SCAPER: variants seen among roughly 807,000 people sequenced by gnomAD.
SCAPER encodes the protein S-phase cyclin A associated protein in the ER.
A neutral mutation model predicts 182.2 loss-of-function variants in SCAPER; 98 were observed. That is an observed-to-expected ratio of 0.54 (90% CI 0.46 to 0.64). The LOEUF is 0.64. Among genes scored for constraint, SCAPER ranks in the 30% least tolerant of loss-of-function variants. The pLI is 0.00. For missense variants in SCAPER, 1,432 were observed against 1,690.0 expected (o/e 0.85, Z 2.68); for synonymous variants, 605 against 564.6 (o/e 1.07, Z -1.01).
At chr15:76,839,521 A>G (rs1301125915) in intron 5 of SCAPER, among the ~76,000 whole-genome samples, 2 of 152,178 alleles carry the variant, frequency 1.3e-5, no homozygotes, top group Non-Finnish European at 2.9e-5. Flanking sequence ...TTCTTACATC[A>G]CCACCTGTAA....
Position 76,459,543 on chromosome 15 carries a change from G to T in SCAPER, c.3078+11669C>A, listed in dbSNP as rs1251067327. On this transcript the variant is annotated intron_variant, in intron 25 of 31. Transcript: ENST00000563290. ...CTCACTTTTTAATGGAATTATTAGG[G>T]TTTTTTTTTTTTGCTGTTGTATACT... Among the ~76,000 whole-genome samples the T allele has an allele frequency of 8.3e-4, 119 of 144,014 alleles. 1 individual carries two copies. Among genetic ancestry groups the T allele is most frequent in the Admixed American group, 2.5e-3 (36 of 14,608 alleles). The allele number at this position is 144,014 out of a possible 152,430, so 94.5% of individuals were successfully genotyped here.
At chr15:76,548,545 T>G (rs1352128606) in intron 23 of SCAPER, among the ~76,000 whole-genome samples, 1 of 152,204 alleles carries the variant, frequency 6.6e-6, no homozygotes, top group African/African-American at 2.4e-5. Context: ...CAAAGTTATC[T>G]TGGGGTAAAC....
chr15:76,644,487 A>AG (rs1409845993), intron 21 of SCAPER, among the ~76,000 whole-genome samples: 1 of 152,106 alleles, frequency 6.6e-6, no homozygotes, highest in African/African-American at 2.4e-5. Context: ...AGGATATTTG[A>AG]GGTCCTCAAT....
chr15:76,691,600 T>C (rs1453822220), intron 20 of SCAPER, among the ~76,000 whole-genome samples: 4 of 152,132 alleles, frequency 2.6e-5, no homozygotes, highest in African/African-American at 7.2e-5. Flanking sequence ...CAATAAATTC[T>C]TGGAATATAA....
intron 22 of SCAPER, among the ~76,000 whole-genome samples, chr15:76,605,210 T>G (rs2050277705): frequency 6.6e-6 from 1 of 152,196 alleles, no homozygotes; most frequent in Non-Finnish European, 1.5e-5. Context: ...AATACCTAAC[T>G]TATTGAAAGT....
chr15:76,710,569 A>T (rs2059507458), intron 17 of SCAPER, among the ~76,000 whole-genome samples: 1 of 152,186 alleles, frequency 6.6e-6, no homozygotes, highest in South Asian at 2.1e-4. Context: ...AATAAATTTT[A>T]AAAAGAACTG....
At chr15:76,786,656 A>C (rs566078594) in intron 8 of SCAPER, among the ~76,000 whole-genome samples, 32 of 151,632 alleles carry the variant, frequency 2.1e-4, no homozygotes. Flanking sequence ...ACAGTGCCAC[A>C]AAAAACAAAA....
chr15:76,725,265 A>G (rs1343731272), intron 17 of SCAPER, among the ~76,000 whole-genome samples: 1 of 152,158 alleles, frequency 6.6e-6, no homozygotes, highest in Non-Finnish European at 1.5e-5. Context: ...ACTACAAAAC[A>G]TTGTTGAAAG....
chr15:76,661,949 A>G (rs1325454143), intron 21 of SCAPER, among the ~76,000 whole-genome samples: 1 of 152,220 alleles, frequency 6.6e-6, no homozygotes, highest in Non-Finnish European at 1.5e-5. Context: ...CATCAATGAT[A>G]GACTGAATAA....
chr15:76,827,700 G>A (rs1382304712), intron 5 of SCAPER, among the ~76,000 whole-genome samples: 2 of 152,040 alleles, frequency 1.3e-5, no homozygotes, highest in African/African-American at 2.4e-5. Context: ...GAATGGATAG[G>A]AACTTTGTAG....
At chr15:76,586,206 C>G (rs2048642850) in intron 22 of SCAPER, among the ~76,000 whole-genome samples, 1 of 151,962 alleles carries the variant, frequency 6.6e-6, no homozygotes, top group Non-Finnish European at 1.5e-5. Flanking sequence ...CCACTAGGAT[C>G]ATTTAGAAGA....
chr15:76,819,872 C>T (rs987986378), intron 5 of SCAPER, among the ~76,000 whole-genome samples: 3 of 152,120 alleles, frequency 2.0e-5, no homozygotes, highest in African/African-American at 7.2e-5. Context: ...CCAGAATCTA[C>T]AATGAACCCA....
chr15:76,377,239 C>T (rs2078437), intron 28 of SCAPER, among the ~76,000 whole-genome samples: 15,978 of 152,168 alleles, frequency 0.11, 1,020 homozygotes, highest in African/African-American at 0.18. Flanking sequence ...GCCATTTTAG[C>T]GAGCATTCCT....
intron 8 of SCAPER, among the ~76,000 whole-genome samples, chr15:76,792,299 G>C (rs1273017471): frequency 2.0e-5 from 3 of 152,070 alleles, no homozygotes; most frequent in Non-Finnish European, 4.4e-5. Flanking sequence ...TTTCAAATCT[G>C]ATATAGATCA....
chr15:76,876,645 G>T (rs965024123), intron 2 of SCAPER, among the ~76,000 whole-genome samples: 1 of 151,836 alleles, frequency 6.6e-6, no homozygotes, highest in African/African-American at 2.4e-5. Context: ...CAACATAAAG[G>T]AGAAAAGCCT....
At chr15:76,591,014 A>T (rs992189073) in intron 22 of SCAPER, among the ~76,000 whole-genome samples, 1 of 152,190 alleles carries the variant, frequency 6.6e-6, no homozygotes, top group Non-Finnish European at 1.5e-5. Flanking sequence ...GTGGACTGAT[A>T]AACAATGAAG....
intron 26 of SCAPER, among the ~76,000 whole-genome samples, chr15:76,407,995 C>G (rs2044989539): frequency 6.6e-6 from 1 of 152,132 alleles, no homozygotes; most frequent in South Asian, 2.1e-4. Context: ...AAAACCACAA[C>G]ATCATTATCA....
intron 26 of SCAPER, among the ~76,000 whole-genome samples, chr15:76,431,640 CT>C (rs1212187003): frequency 9.0e-6 from 1 of 111,192 alleles, no homozygotes. Flanking sequence ...CAGTTCATAT[CT>C]GGGAAGGTGA....
chr15:76,534,024 A>T (rs921995016), intron 23 of SCAPER, among the ~76,000 whole-genome samples: 10 of 152,368 alleles, frequency 6.6e-5, no homozygotes, highest in South Asian at 2.1e-4. Flanking sequence ...TCAGAGCAAT[A>T]TATAGCAACT....
Sources: allele counts gnomAD v4.1 joint callset (sites outside exome capture counted in the v4.1 genomes callset), GRCh38; gene constraint gnomAD v4.1.1; transcripts MANE v1.5; gene names NCBI Gene and HGNC (gene_info 2026-07-23, HGNC 2026-07-21).